Variants in COL21A1 observed in about 807,000 individuals in gnomAD.
The protein encoded by COL21A1 is collagen alpha-1(XXI) chain.
COL21A1 carries 149 observed loss-of-function variants against 137.9 expected under a neutral mutation model. That is an observed-to-expected ratio of 1.08 (90% CI 0.95 to 1.24). The LOEUF (loss-of-function observed/expected upper bound fraction) is 1.24. Ranked by LOEUF, COL21A1 falls within the 50% of genes most tolerant of loss-of-function variation. COL21A1 has a pLI of 0.00. For missense variants in COL21A1, 1,167 were observed against 1,158.4 expected (o/e 1.01, Z -0.11); for synonymous variants, 456 against 391.5 (o/e 1.16, Z -1.95).
Position 56,070,768 on chromosome 6 carries a change from TC to T in COL21A1, c.1995del (p.Met666CysfsTer94). On this transcript the variant is annotated frameshift_variant, in exon 21 of 30. Transcript: ENST00000244728. LOFTEE classifies it high-confidence loss of function. Reference sequence around the variant, plus strand: ...ACCTTGAGCCCAGAAGCCCCAGGCATCCCTTGAATTCCAGGTTCACCTTTGC... The same window carrying T: ...ACCTTGAGCCCAGAAGCCCCAGGCATCCTTGAATTCCAGGTTCACCTTTGC... ...KGSKGEPGIQ[G>X]MPGASGLKGE... 6.3e-7 allele frequency: 1 copy of T among 1,590,362 alleles called. No homozygotes were observed. Among genetic ancestry groups the T allele is most frequent in the Non-Finnish European group, 8.5e-7 (1 of 1,172,612 alleles).
At chr6:56,200,601 G>A (rs1045613474) in intron 1 of COL21A1, among the ~76,000 whole-genome samples, 1 of 151,652 alleles carries the variant, frequency 6.6e-6, no homozygotes, top group Non-Finnish European at 1.5e-5. Context: ...ATGGTTTCCA[G>A]CTTCATTCAT....
intron 17 of COL21A1, among the ~76,000 whole-genome samples, chr6:56,097,848 T>A (rs1465134765): frequency 3.7e-5 from 1 of 27,056 alleles, no homozygotes; most frequent in African/African-American, 1.7e-4. Flanking sequence ...AATATATAAA[T>A]ATATATAAAT....
At chr6:56,275,553 G>C (rs1763623210) in intron 1 of COL21A1, among the ~76,000 whole-genome samples, 2 of 151,988 alleles carry the variant, frequency 1.3e-5, no homozygotes, top group African/African-American at 4.8e-5. Flanking sequence ...ATGGATAAAA[G>C]ACATGAACAG....
chr6:56,080,538 A>T (rs1185691919), intron 17 of COL21A1, among the ~76,000 whole-genome samples: 1 of 151,850 alleles, frequency 6.6e-6, no homozygotes, highest in Non-Finnish European at 1.5e-5. Flanking sequence ...TGTCTATGAC[A>T]ATATTACTTA....
At chr6:56,381,429 G>A (rs1348922717) in intron 1 of COL21A1, among the ~76,000 whole-genome samples, 1 of 152,176 alleles carries the variant, frequency 6.6e-6, no homozygotes, top group African/African-American at 2.4e-5. Context: ...CTGGTAGAGA[G>A]GCAAAGAGAG....
intron 17 of COL21A1, among the ~76,000 whole-genome samples, chr6:56,079,981 G>A (rs1411025763): frequency 6.6e-6 from 1 of 151,440 alleles, no homozygotes; most frequent in African/African-American, 2.4e-5. Context: ...TTGAGGGAGA[G>A]GTTAACCAGG....
At chr6:56,257,349 G>C (rs1221567354) in intron 1 of COL21A1, among the ~76,000 whole-genome samples, 1 of 151,982 alleles carries the variant, frequency 6.6e-6, no homozygotes, top group Non-Finnish European at 1.5e-5. Flanking sequence ...GAAAAAATTT[G>C]GCATTATGCA....
intron 1 of COL21A1, among the ~76,000 whole-genome samples, chr6:56,339,188 T>C (rs6915144): frequency 0.6 from 90,653 of 151,834 alleles, 27,649 homozygotes; most frequent in East Asian, 0.9. Context: ...TCCAAAGCCT[T>C]CTTCCTTCAT....
intron 1 of COL21A1, among the ~76,000 whole-genome samples, chr6:56,388,335 G>A (rs949633323): frequency 1.3e-5 from 2 of 152,200 alleles, no homozygotes; most frequent in African/African-American, 2.4e-5. Context: ...ACCCAGCACA[G>A]TGCCAGCTGT....
rs529895172 is a variant in COL21A1 at position 56,174,784 on chromosome 6, A to G, written c.641-3656T>C. 2.6e-5 allele frequency among the ~76,000 whole-genome samples: 4 copies of G among 152,174 alleles called. No individual in the cohort carries two copies. The East Asian group carries it at 7.7e-4, about 29-fold the overall frequency. On this transcript the variant is annotated intron_variant, in intron 3 of 29. Transcript: ENST00000244728. The stretch of plus-strand genomic sequence containing the variant: ...ATCTTTCAAAAAATTGAAGAGGAGT[A>G]AACACTTCTAAACTATTTTTATAAG...
chr6:56,271,770 G>A (rs1421302996), intron 1 of COL21A1, among the ~76,000 whole-genome samples: 1 of 152,230 alleles, frequency 6.6e-6, no homozygotes, highest in Non-Finnish European at 1.5e-5. Flanking sequence ...GGTGTCCTGT[G>A]TCCCAGACAC....
At chr6:56,378,040 G>A (rs2094002491) in intron 1 of COL21A1, among the ~76,000 whole-genome samples, 1 of 152,214 alleles carries the variant, frequency 6.6e-6, no homozygotes, top group East Asian at 1.9e-4. Context: ...TAACTAAAGA[G>A]CCCTTGGGCC....
chr6:56,065,108 A>G (rs1176884112), intron 23 of COL21A1, among the ~76,000 whole-genome samples: 2 of 152,140 alleles, frequency 1.3e-5, no homozygotes, highest in Non-Finnish European at 2.9e-5. Flanking sequence ...AGCAGCATAA[A>G]TAACAGAAAA....
chr6:56,329,159 A>C (rs1397186233), intron 1 of COL21A1, among the ~76,000 whole-genome samples: 4 of 152,122 alleles, frequency 2.6e-5, no homozygotes, highest in Admixed American at 6.6e-5. Flanking sequence ...CAGGCTCAAA[A>C]ATTACAGCTA....
In COL21A1 at chr6:56,065,857, T is replaced by C. The variant is rs184604117; in HGVS notation, c.2128-1235A>G. On this transcript the variant is annotated intron_variant, in intron 23 of 29. Coordinates refer to ENST00000244728, the MANE Select transcript of COL21A1 (RefSeq NM_030820.4). ...GCAGATATATAGCTTAGCTATTTTA[T>C]GCAAGTAAAAGTGTGGAAGAAGGAA... Among the ~76,000 whole-genome samples, 474 of 152,098 alleles carry C rather than the reference T, an allele frequency of 3.1e-3. 5 individuals are homozygous for C. The highest frequency in any genetic ancestry group is 7.5e-3 in the South Asian group (36 of 4,828).
upstream of COL21A1, among the ~76,000 whole-genome samples, chr6:56,252,335 G>A (rs1158295450): frequency 3.3e-5 from 5 of 152,124 alleles, no homozygotes; most frequent in African/African-American, 1.2e-4. Context: ...CCTTTGACTA[G>A]GTAATTTTGC....
chr6:56,190,126 A>T (rs532531354), intron 1 of COL21A1, among the ~76,000 whole-genome samples: 1 of 152,152 alleles, frequency 6.6e-6, no homozygotes, highest in Admixed American at 6.6e-5. Flanking sequence ...GACACAAAAA[A>T]CCCTTCAAAA....
intron 15 of COL21A1, 57 bp from the exon 16 acceptor site, chr6:56,124,172 A>G: frequency 6.5e-7 from 1 of 1,535,888 alleles, no homozygotes; most frequent in South Asian, 1.2e-5. Flanking sequence ...TTCTCTTTAA[A>G]GACAGATACT....
intron 25 of COL21A1, 122 bp from the exon 26 acceptor site, chr6:56,061,159 A>G (rs1279092088): frequency 1.2e-6 from 1 of 803,070 alleles, no homozygotes; most frequent in African/African-American, 1.8e-5. Flanking sequence ...AAGGTATGTA[A>G]GGAATAGCCG....
Sources: gnomAD v4.1 joint callset for allele counts (sites outside exome capture counted in the v4.1 genomes callset) on GRCh38, gnomAD v4.1.1 for gene constraint, MANE v1.5 for transcripts, NCBI Gene and HGNC (gene_info 2026-07-23, HGNC 2026-07-21) for gene names.